The following TMPRSS13 variants were observed in gnomAD, a reference collection of about 807,000 sequenced individuals.
The protein encoded by TMPRSS13 is transmembrane serine protease 13.
In TMPRSS13, 50 loss-of-function variants were observed where a neutral mutation model predicts 68.4. That is an observed-to-expected ratio of 0.73 (90% CI 0.58 to 0.93). TMPRSS13 has a LOEUF of 0.93. Ranked by LOEUF, TMPRSS13 falls within the 40% of genes least tolerant of loss-of-function variation. The pLI is 0.00. For missense variants in TMPRSS13, 615 were observed against 729.2 expected (o/e 0.84, Z 1.80); for synonymous variants, 267 against 285.8 (o/e 0.93, Z 0.66).
At chr11:117,902,985 C>T in intron 12 of TMPRSS13, 2 of 1,021,354 alleles carry the variant, frequency 2.0e-6, no homozygotes, top group Non-Finnish European at 2.3e-6. Flanking sequence ...TTCAGTTTGA[C>T]CTGAGCAATG....
At chr11:117,911,290 A>T (rs947218030) in intron 6 of TMPRSS13, among the ~76,000 whole-genome samples, 2 of 152,150 alleles carry the variant, frequency 1.3e-5, no homozygotes, top group Non-Finnish European at 2.9e-5. Context: ...CCTGTCCCTG[A>T]TGCCTGCACC....
rs897224752 is a variant in TMPRSS13, at chr11:117,926,444, C to T, written c.21+2843G>A. On this transcript the variant is annotated intron_variant, in intron 1 of 12. Coordinates refer to ENST00000524993, the MANE Select transcript of TMPRSS13 (RefSeq NM_001077263.3). ...TGCCTTATCCTGGACCAGCGGTGGG[C>T]CCCCAGACGGTTCTCACCAATCCCT... is the stretch of plus-strand genomic sequence containing the variant. Among the ~76,000 whole-genome samples, 12 of 152,130 alleles carry T rather than the reference C, an allele frequency of 7.9e-5. 1 individual carries two copies. Among genetic ancestry groups the T allele is most frequent in the Admixed American group, 6.5e-4 (10 of 15,270 alleles).
At chr11:117,927,294 TC>T (rs1425008781) in intron 1 of TMPRSS13, among the ~76,000 whole-genome samples, 2 of 152,264 alleles carry the variant, frequency 1.3e-5, no homozygotes, top group Non-Finnish European at 2.9e-5. Flanking sequence ...TGTTCTTTGC[TC>T]AATTAAACTC....
intron 8 of TMPRSS13, among the ~76,000 whole-genome samples, chr11:117,909,050 C>T (rs534216232): frequency 1.3e-5 from 2 of 152,136 alleles, no homozygotes; most frequent in Non-Finnish European, 2.9e-5. Flanking sequence ...ACTCCCCCCC[C>T]ACTATCTCCT....
intron 9 of TMPRSS13, among the ~76,000 whole-genome samples, chr11:117,906,891 A>G (rs2057469356): frequency 6.6e-6 from 1 of 152,186 alleles, no homozygotes; most frequent in Non-Finnish European, 1.5e-5. Flanking sequence ...AAATGAGTTT[A>G]AGAAAATCAG....
intron 3 of TMPRSS13, among the ~76,000 whole-genome samples, chr11:117,916,077 C>T (rs1452237354): frequency 6.6e-6 from 1 of 152,226 alleles, no homozygotes; most frequent in Non-Finnish European, 1.5e-5. Flanking sequence ...GAATCCCCTT[C>T]AGCAGCCCTG....
chr11:117,929,126 G>T (rs2057734695), intron 1 of TMPRSS13, among the ~76,000 whole-genome samples, 161 bp downstream of exon 1: 1 of 152,186 alleles, frequency 6.6e-6, no homozygotes, highest in Non-Finnish European at 1.5e-5. Flanking sequence ...GTTAAAAGGA[G>T]ACCAAGAGAT....
intron 1 of TMPRSS13, among the ~76,000 whole-genome samples, chr11:117,924,776 C>A (rs1254596450): frequency 6.6e-6 from 1 of 152,164 alleles, no homozygotes; most frequent in Non-Finnish European, 1.5e-5. Flanking sequence ...CTCTCCCCCT[C>A]CCCGAACCCA....
intron 11 of TMPRSS13, 60 bp downstream of exon 11, chr11:117,903,899 C>A: frequency 2.5e-6 from 4 of 1,596,708 alleles, no homozygotes; most frequent in Non-Finnish European, 3.4e-6. Flanking sequence ...AGCCCCAACA[C>A]CCCTGCCTCC....
chr11:117,911,081 T>C (rs1011315059), intron 6 of TMPRSS13, among the ~76,000 whole-genome samples: 7 of 152,176 alleles, frequency 4.6e-5, no homozygotes, highest in African/African-American at 1.7e-4. Flanking sequence ...AAACAGGTGG[T>C]CTGGTGCTCC....
intron 1 of TMPRSS13, among the ~76,000 whole-genome samples, chr11:117,920,649 C>T (rs1177637628): frequency 3.9e-5 from 6 of 152,140 alleles, no homozygotes; most frequent in Middle Eastern, 3.4e-3. Flanking sequence ...CCACCACACC[C>T]GGTTAATTTT....
chr11:117,927,231 G>C (rs942866157), intron 1 of TMPRSS13, among the ~76,000 whole-genome samples: 2 of 152,212 alleles, frequency 1.3e-5, no homozygotes, highest in African/African-American at 4.8e-5. Context: ...ACGCAGCTGT[G>C]TGGGAATCTC....
intron 9 of TMPRSS13, 62 bp from the exon 10 acceptor site, chr11:117,905,798 G>C: frequency 1.5e-6 from 2 of 1,370,228 alleles, no homozygotes; most frequent in Non-Finnish European, 1.0e-6. Context: ...TAGGGGGAGG[G>C]AGAAGGAGCA....
intron 9 of TMPRSS13, 36 bp from the exon 10 acceptor site, chr11:117,905,772 A>G: frequency 6.6e-7 from 1 of 1,522,402 alleles, no homozygotes; most frequent in South Asian, 1.2e-5. Context: ...TGAAGGAACA[A>G]GGCTGAGACT....
intron 3 of TMPRSS13, among the ~76,000 whole-genome samples, chr11:117,916,198 C>T (rs2057576739): frequency 6.6e-6 from 1 of 152,188 alleles, no homozygotes; most frequent in Non-Finnish European, 1.5e-5. Flanking sequence ...ACAGCATGGC[C>T]CAGCCTTGCT....
In TMPRSS13 at chr11:117,929,332, A is replaced by G. The variant is rs777585154; in HGVS notation, c.-25T>C. ...TGGTCTCTGAGGGGAAGAGTCCTCC[A>G]GGCTTAGCTGATGTCGAGGAGAAGA... is the stretch of plus-strand genomic sequence containing the variant. On this transcript the variant is annotated 5_prime_UTR_variant, in exon 1 of 13. Transcript: ENST00000524993. The G allele has an allele frequency of 1.9e-6, 3 of 1,603,536 alleles. No individual in the cohort carries two copies. The Admixed American group carries it at 5.1e-5, about 27-fold the overall frequency.
At chr11:117,909,777 G>A in intron 8 of TMPRSS13, 29 bp downstream of exon 8, 1 of 1,596,022 alleles carries the variant, frequency 6.3e-7, no homozygotes, top group Non-Finnish European at 8.5e-7. Flanking sequence ...CCTGGGCAGT[G>A]TCAAATCACC....
At chr11:117,920,633 C>T (rs531540174) in intron 1 of TMPRSS13, among the ~76,000 whole-genome samples, 2 of 152,220 alleles carry the variant, frequency 1.3e-5, no homozygotes, top group East Asian at 3.9e-4. Flanking sequence ...GGATTATATG[C>T]ACCCGCCACC....
rs2057505185 is a variant in TMPRSS13 at position 117,909,953 on chromosome 11, G to A, written c.962C>T (p.Ala321Val). 1.6e-5 allele frequency: 26 copies of A among 1,613,996 alleles called. No individual in the cohort carries two copies. Among genetic ancestry groups the A allele is most frequent in the African/African-American group, 2.7e-5 (2 of 74,940 alleles). Residue 321 changes from alanine to valine, a missense_variant, in exon 8 of 13, where the codon GCC (alanine) becomes GTC (valine). Physicochemically the swap from Ala to Val is moderately conservative, Grantham distance 64 (BLOSUM62 0). Transcript: ENST00000524993. ...SLQCSHCGLR[A>V]MTGRIVGGAL... ...CCCTCCCACGATCCGCCCGGTCATG[G>A]CCCTCAGTCCGCAGTCTGGAGGGAA... is the stretch of plus-strand genomic sequence containing the variant.
Sources: allele counts gnomAD v4.1 joint callset (sites outside exome capture counted in the v4.1 genomes callset), GRCh38; gene constraint gnomAD v4.1.1; transcripts MANE v1.5; gene names NCBI Gene and HGNC (gene_info 2026-07-23, HGNC 2026-07-21).